The following MYO18B variants were observed in gnomAD, a reference collection of about 807,000 sequenced individuals.
MYO18B encodes the protein myosin XVIIIB.
Under a neutral mutation model 273.0 loss-of-function variants are expected in MYO18B, and 204 were observed. The observed-to-expected ratio is 0.75, with a 90% CI of 0.67 to 0.84. MYO18B has a LOEUF of 0.84. Among genes scored for constraint, MYO18B ranks in the 40% least tolerant of loss-of-function variants. The pLI is 0.00. For synonymous variants in MYO18B, 1,330 were observed against 1,305.7 expected (o/e 1.02, Z -0.40); for missense variants, 3,212 against 3,287.6 (o/e 0.98, Z 0.56).
At chr22:25,993,734 C>T (rs568615610) in intron 40 of MYO18B, among the ~76,000 whole-genome samples, 5 of 152,114 alleles carry the variant, frequency 3.3e-5, no homozygotes, top group Admixed American at 2.0e-4. Flanking sequence ...CTTGTGGGTG[C>T]GAGACAGGCA....
chr22:25,788,275 C>T (rs5761182), intron 11 of MYO18B, among the ~76,000 whole-genome samples: 4,052 of 152,218 alleles, frequency 0.027, 100 homozygotes, highest in East Asian at 0.096. Context: ...TTACTGGGGT[C>T]GGGCAGGCCA....
At chr22:25,872,839 G>T (rs1448107587) in intron 22 of MYO18B, among the ~76,000 whole-genome samples, 1 of 152,194 alleles carries the variant, frequency 6.6e-6, no homozygotes, top group Non-Finnish European at 1.5e-5. Context: ...TGTCATCAAT[G>T]AATACAGAGT....
intron 12 of MYO18B, among the ~76,000 whole-genome samples, chr22:25,806,732 A>T (rs1453581844): frequency 2.0e-5 from 3 of 152,208 alleles, no homozygotes; most frequent in African/African-American, 7.2e-5. Flanking sequence ...GTGCTTGTGT[A>T]TTTCGAATGG....
intron 17 of MYO18B, among the ~76,000 whole-genome samples, chr22:25,840,638 GA>G (rs1430433996): frequency 6.6e-6 from 1 of 152,242 alleles, no homozygotes; most frequent in Non-Finnish European, 1.5e-5. Context: ...ATGAATATGT[GA>G]AAACTCAGTG....
chr22:25,963,581 G>T (rs547139143), intron 39 of MYO18B, among the ~76,000 whole-genome samples: 10 of 148,822 alleles, frequency 6.7e-5, no homozygotes, highest in African/African-American at 2.5e-4. Context: ...CTTCTGCAAA[G>T]ACCCTATTTC....
At chr22:25,990,111 T>C (rs1422279613) in intron 39 of MYO18B, among the ~76,000 whole-genome samples, 1 of 152,228 alleles carries the variant, frequency 6.6e-6, no homozygotes, top group Non-Finnish European at 1.5e-5. Flanking sequence ...CCCTTAGGCT[T>C]ACTCAGTCTT....
In MYO18B at chr22:25,747,926, A is replaced by G. The variant is rs368584187; in HGVS notation, c.-110+5633A>G. ...TGACCTGAGAGGTTTGACAACAGGC[A>G]TAGTGAGGCCCACTCTTAGATCTAA... On this transcript the variant is annotated intron_variant, in intron 1 of 43. Transcript: ENST00000335473. Among the ~76,000 whole-genome samples the G allele has an allele frequency of 5.9e-5, 9 of 152,316 alleles. No individual in the cohort carries two copies. The South Asian group carries it at 1.0e-3, about 18-fold the overall frequency.
chr22:26,015,539 C>T (rs2146964048), intron 42 of MYO18B, among the ~76,000 whole-genome samples: 1 of 152,266 alleles, frequency 6.6e-6, no homozygotes, highest in African/African-American at 2.4e-5. Context: ...CCGTAGCAAA[C>T]TAATACAGGA....
chr22:25,770,487 A>G (rs1331972986), intron 5 of MYO18B, among the ~76,000 whole-genome samples: 2 of 152,152 alleles, frequency 1.3e-5, no homozygotes, highest in African/African-American at 4.8e-5. Flanking sequence ...ACTGCACTCT[A>G]CTGAGAAGTG....
At chr22:25,836,386 G>A (rs1260309414) in intron 17 of MYO18B, among the ~76,000 whole-genome samples, 1 of 152,278 alleles carries the variant, frequency 6.6e-6, no homozygotes, top group African/African-American at 2.4e-5. Flanking sequence ...AGGTGTTGCA[G>A]GTTTATTGAT....
At chr22:26,045,262 G>A in the MYO18B span, among the ~76,000 whole-genome samples, 1 of 152,030 alleles carries the variant, frequency 6.6e-6, no homozygotes, top group Non-Finnish European at 1.5e-5. Flanking sequence ...AGATATCCTA[G>A]CCAAGGCCAT....
chr22:25,866,721 C>G (rs1461087956), intron 21 of MYO18B, among the ~76,000 whole-genome samples: 1 of 149,276 alleles, frequency 6.7e-6, no homozygotes, highest in African/African-American at 2.5e-5. Flanking sequence ...TGCCTGTAGT[C>G]CCAGCTACTT....
chr22:26,027,759 G>T lies in MYO18B; in HGVS notation c.*12+69G>T, dbSNP rs542909889. The T allele has an allele frequency of 2.1e-6, 3 of 1,446,008 alleles. No individual in the cohort carries two copies. The East Asian group carries it at 7.4e-5, about 36-fold the overall frequency. The allele number at this position is 1,446,008 out of a possible 1,614,324, so 89.6% of individuals were successfully genotyped here. A position where few individuals can be genotyped will look rare whatever the true frequency, so the allele number is the denominator to read the frequency against. The stretch of plus-strand genomic sequence containing the variant: ...CACCTTGCAGCCTTGGGGAGAGCAG[G>T]TGCCACTACTGTCCTTAATGCCACA... On this transcript the variant is annotated intron_variant, in intron 43 of 43. Transcript: ENST00000335473. The surrounding 1 kb of genome is among the most constrained non-coding windows in gnomAD (Gnocchi z 4.1).
chr22:25,884,320 C>T (rs527854847), intron 25 of MYO18B, among the ~76,000 whole-genome samples: 2 of 152,294 alleles, frequency 1.3e-5, no homozygotes, highest in Admixed American at 1.3e-4. Context: ...CAGACCACAT[C>T]CCAGGTCTCC....
intron 39 of MYO18B, among the ~76,000 whole-genome samples, chr22:25,977,267 G>A (rs2093100242): frequency 1.3e-5 from 2 of 148,602 alleles, no homozygotes; most frequent in South Asian, 4.3e-4. Flanking sequence ...TTCAAGGGGT[G>A]ATCCGATTTT....
Position 25,826,410 on chromosome 22 carries a change from G to A in MYO18B, c.2697G>A (p.Gly899=), listed in dbSNP as rs764752211. The A allele has an allele frequency of 5.6e-6, 9 of 1,610,372 alleles. No homozygotes were observed. Among genetic ancestry groups the A allele is most frequent in the Admixed American group, 5.1e-5 (3 of 59,128 alleles). Reference sequence around the variant, plus strand: ...TGCTGATTCTGTCCTCTTTCCCAGGGCTCAAGATGACAGGAGTGGACTGTG... The same window carrying A: ...TGCTGATTCTGTCCTCTTTCCCAGGACTCAAGATGACAGGAGTGGACTGTG... ...WGLEDEETSS[G]LKMTGVDCVE... is the part of the protein sequence containing the mutation. The change falls in exon 14 of 44, where the codon GGG becomes GGA. Residue 899 remains glycine, a splice_region_variant and synonymous_variant. Transcript: ENST00000335473.
intron 42 of MYO18B, among the ~76,000 whole-genome samples, chr22:26,007,680 G>A (rs532366768): frequency 5.3e-5 from 8 of 152,226 alleles, no homozygotes; most frequent in South Asian, 2.1e-4. Flanking sequence ...AAGGACCACC[G>A]GGATTATCCA....
At chr22:25,776,035 C>T (rs1343700281) in intron 7 of MYO18B, among the ~76,000 whole-genome samples, 1 of 152,114 alleles carries the variant, frequency 6.6e-6, no homozygotes, top group Non-Finnish European at 1.5e-5. Context: ...TCTCTGGGCC[C>T]CCTGTGGTCA....
At chr22:26,038,895 T>A in the MYO18B span, among the ~76,000 whole-genome samples, 1 of 152,182 alleles carries the variant, frequency 6.6e-6, no homozygotes, top group East Asian at 1.9e-4. Context: ...GGAGCCTGCA[T>A]CAAGACTAAA....
Sources: allele counts gnomAD v4.1 joint callset (sites outside exome capture counted in the v4.1 genomes callset), GRCh38; gene constraint gnomAD v4.1.1; non-coding constraint Gnocchi (gnomAD v3.1); transcripts MANE v1.5; gene names NCBI Gene and HGNC (gene_info 2026-07-23, HGNC 2026-07-21).